Variants in DLC1 observed in about 807,000 individuals in gnomAD.
The protein encoded by DLC1 is rho GTPase-activating protein 7.
Under a neutral mutation model 140.3 loss-of-function variants are expected in DLC1, and 54 were observed. That is an observed-to-expected ratio of 0.38 (90% CI 0.31 to 0.48). The LOEUF is 0.48. Among genes scored for constraint, DLC1 ranks in the 20% least tolerant of loss-of-function variants. The pLI is 0.96. For missense variants in DLC1, 2,536 were observed against 1,907.0 expected (o/e 1.33, Z -6.14); for synonymous variants, 986 against 728.1 (o/e 1.35, Z -5.70).
At chr8:13,421,206 TTGA>T (rs996826736) in intron 2 of DLC1, among the ~76,000 whole-genome samples, 6 of 152,172 alleles carry the variant, frequency 3.9e-5, no homozygotes, top group African/African-American at 1.2e-4. Context: ...TGAGCTCTTT[TTGA>T]TGATAAGTAA....
intron 9 of DLC1, 53 bp downstream of exon 9, chr8:13,099,294 T>A (rs1304547324): frequency 6.4e-7 from 1 of 1,560,616 alleles, no homozygotes; most frequent in Non-Finnish European, 8.6e-7. Flanking sequence ...GCACAGGCAA[T>A]GTCTTTCTGA....
At chr8:13,481,147 G>A (rs1204684490) in intron 2 of DLC1, among the ~76,000 whole-genome samples, 1 of 152,132 alleles carries the variant, frequency 6.6e-6, no homozygotes, top group East Asian at 1.9e-4. Flanking sequence ...CAAATAGGCT[G>A]GGTGCAGTTG....
At chr8:13,271,315 C>T (rs989142803) in intron 5 of DLC1, among the ~76,000 whole-genome samples, 1 of 152,170 alleles carries the variant, frequency 6.6e-6, no homozygotes, top group Non-Finnish European at 1.5e-5. Context: ...ACTTGCTTTT[C>T]ACTGTGAACC....
intron 6 of DLC1, among the ~76,000 whole-genome samples, chr8:13,113,978 G>C (rs1251657961): frequency 6.6e-6 from 1 of 152,208 alleles, no homozygotes; most frequent in Non-Finnish European, 1.5e-5. Flanking sequence ...ACCTCTGTTT[G>C]AAAGTTACCC....
intron 1 of DLC1, among the ~76,000 whole-genome samples, chr8:13,553,593 C>T (rs985003880): frequency 2.6e-5 from 4 of 151,928 alleles, no homozygotes; most frequent in Admixed American, 2.6e-4. Context: ...CTCTGACAGT[C>T]CTCTCACCTT....
At chr8:13,270,591 A>G (rs884058) in intron 5 of DLC1, among the ~76,000 whole-genome samples, 60,372 of 152,024 alleles carry the variant, frequency 0.4, 12,459 homozygotes, top group East Asian at 0.78. Context: ...TCCCTCATCA[A>G]TGTGTGGAAT....
chr8:13,300,392 A>T (rs1832141789), intron 5 of DLC1, among the ~76,000 whole-genome samples: 1 of 152,212 alleles, frequency 6.6e-6, no homozygotes, highest in Non-Finnish European at 1.5e-5. Context: ...ACGTTTACCT[A>T]CGTAACAAAT....
chr8:13,249,303 C>G (rs776830870), intron 5 of DLC1, among the ~76,000 whole-genome samples: 7 of 152,128 alleles, frequency 4.6e-5, no homozygotes, highest in Non-Finnish European at 8.8e-5. Context: ...GTCTCCAACT[C>G]TTGACTTCAG....
chr8:13,136,964 A>T (rs976407990), intron 5 of DLC1, among the ~76,000 whole-genome samples: 10 of 152,254 alleles, frequency 6.6e-5, no homozygotes, highest in African/African-American at 2.4e-4. Context: ...GGCTTGAATA[A>T]AATAATGTAC....
chr8:13,202,247 A>G (rs1037008056), intron 5 of DLC1, among the ~76,000 whole-genome samples: 6 of 152,086 alleles, frequency 3.9e-5, no homozygotes, highest in African/African-American at 1.2e-4. Flanking sequence ...CCAGGCCTCA[A>G]TAGGGTATTT....
chr8:13,413,256 A>ATTTTTTTTTTTTTT (rs58038503), intron 2 of DLC1, among the ~76,000 whole-genome samples: 10,995 of 81,048 alleles, frequency 0.14, 2,521 homozygotes, highest in Non-Finnish European at 0.17. Context: ...TTTTTTTGCG[A>ATTTTTTTTTTTTTT]TTTTTTTTTT....
At chr8:13,435,283 C>G (rs541991918) in intron 2 of DLC1, among the ~76,000 whole-genome samples, 3 of 152,262 alleles carry the variant, frequency 2.0e-5, no homozygotes, top group Admixed American at 2.0e-4. Flanking sequence ...GCTGCAATCT[C>G]ATGATAAAAC....
intron 1 of DLC1, among the ~76,000 whole-genome samples, chr8:13,603,192 T>C (rs906659013): frequency 4.0e-5 from 6 of 151,850 alleles, no homozygotes; most frequent in African/African-American, 1.4e-4. Context: ...TGTCATCCAT[T>C]TCTATGTAGT....
chr8:13,104,175 G>C (rs778386466), intron 7 of DLC1, among the ~76,000 whole-genome samples: 1 of 151,904 alleles, frequency 6.6e-6, no homozygotes, highest in Admixed American at 6.6e-5. Flanking sequence ...AAGAATTTGC[G>C]TACTGTAACT....
At chr8:13,381,093 C>G (rs113322118) in intron 4 of DLC1, among the ~76,000 whole-genome samples, 1 of 152,086 alleles carries the variant, frequency 6.6e-6, no homozygotes, top group African/African-American at 2.4e-5. Context: ...CCTGACCTGG[C>G]TTGTTGGGGT....
chr8:13,564,446 G>C (rs574984469), intron 1 of DLC1, among the ~76,000 whole-genome samples: 2 of 152,268 alleles, frequency 1.3e-5, no homozygotes, highest in Admixed American at 1.3e-4. Context: ...AGCGTTACTT[G>C]AGAAGTTGAT....
intron 2 of DLC1, among the ~76,000 whole-genome samples, chr8:13,465,668 G>C (rs1481690): frequency 0.81 from 123,370 of 152,036 alleles, 51,501 homozygotes; most frequent in Middle Eastern, 0.94. Flanking sequence ...AATTTCTACT[G>C]TCATTTTATT....
chr8:13,185,699 T>C (rs10103550), intron 5 of DLC1, among the ~76,000 whole-genome samples: 102,355 of 151,956 alleles, frequency 0.67, 35,177 homozygotes, highest in East Asian at 0.86. Flanking sequence ...ATGATGTTCA[T>C]TGGTTATTTT....
intron 4 of DLC1, among the ~76,000 whole-genome samples, chr8:13,359,468 G>A (rs1729153): frequency 0.68 from 102,925 of 151,964 alleles, 35,416 homozygotes; most frequent in East Asian, 0.84. Context: ...ATGCACCTGC[G>A]GCTCTGCTTG....
Sources: gnomAD v4.1 joint callset for allele counts (sites outside exome capture counted in the v4.1 genomes callset) on GRCh38, gnomAD v4.1.1 for gene constraint, MANE v1.5 for transcripts, NCBI Gene and HGNC (gene_info 2026-07-23, HGNC 2026-07-21) for gene names.